The following NPAS3 variants were observed in gnomAD, a reference collection of about 807,000 sequenced individuals.
NPAS3 encodes neuronal PAS domain protein 3, also known as neuronal PAS domain-containing protein 3.
Under a neutral mutation model 73.1 loss-of-function variants are expected in NPAS3, and 14 were observed. That is an observed-to-expected ratio of 0.19 (90% CI 0.13 to 0.30). The LOEUF (loss-of-function observed/expected upper bound fraction) is 0.30. Ranked by LOEUF, NPAS3 falls within the 10% of genes least tolerant of loss-of-function variation. The pLI is 1.00. For missense variants in NPAS3, 1,096 were observed against 1,250.0 expected (o/e 0.88, Z 1.86); for synonymous variants, 620 against 541.5 (o/e 1.14, Z -2.01).
At chr14:33,677,133 C>T (rs923660895) in intron 6 of NPAS3, among the ~76,000 whole-genome samples, 24 of 152,258 alleles carry the variant, frequency 1.6e-4, no homozygotes, top group Admixed American at 1.5e-3. Flanking sequence ...TGTTCAAACA[C>T]GGGGAAGATT....
chr14:33,457,509 C>T (rs1566920701), intron 4 of NPAS3, among the ~76,000 whole-genome samples: 1 of 152,222 alleles, frequency 6.6e-6, no homozygotes, highest in South Asian at 2.1e-4. Flanking sequence ...AAGGGCATAG[C>T]AGGAGCAATG....
chr14:33,209,291 G>A (rs181054237), intron 2 of NPAS3, among the ~76,000 whole-genome samples: 2 of 152,164 alleles, frequency 1.3e-5, no homozygotes, highest in East Asian at 3.9e-4. Context: ...AAATACTCTT[G>A]GAAGAATTTT....
intron 1 of NPAS3, among the ~76,000 whole-genome samples, chr14:33,014,453 A>G (rs1283952764): frequency 2.6e-5 from 4 of 152,188 alleles, no homozygotes; most frequent in African/African-American, 9.7e-5. Context: ...TTGTAATAAA[A>G]TATTATACCA....
intron 2 of NPAS3, among the ~76,000 whole-genome samples, chr14:33,143,323 T>C (rs891789863): frequency 6.6e-6 from 1 of 151,784 alleles, no homozygotes; most frequent in Non-Finnish European, 1.5e-5. Context: ...GAAACCCCGT[T>C]TCTACTAAAA....
At chr14:33,677,247 GTTTTGTCCT>G (rs1378946170) in intron 6 of NPAS3, among the ~76,000 whole-genome samples, 1 of 152,134 alleles carries the variant, frequency 6.6e-6, no homozygotes, top group Non-Finnish European at 1.5e-5. Context: ...CACATTTGTG[GTTTTGTCCT>G]TTTTGTACTT....
At chr14:33,681,121 T>A (rs1473395857) in intron 6 of NPAS3, 3 of 153,100 alleles carry the variant, frequency 2.0e-5, no homozygotes, top group African/African-American at 2.4e-5. Flanking sequence ...CATCATTAGA[T>A]GATTTTCACA....
chr14:32,950,202 G>A (rs1199573578), intron 1 of NPAS3, among the ~76,000 whole-genome samples: 5 of 151,986 alleles, frequency 3.3e-5, no homozygotes, highest in South Asian at 2.1e-4. Flanking sequence ...GAAAATTAAT[G>A]AGAATGATAA....
At chr14:33,555,097 G>A (rs1342531691) in intron 4 of NPAS3, among the ~76,000 whole-genome samples, 1 of 152,128 alleles carries the variant, frequency 6.6e-6, no homozygotes, top group Non-Finnish European at 1.5e-5. Context: ...TTACTGGGAT[G>A]TGACAAAGGA....
intron 4 of NPAS3, among the ~76,000 whole-genome samples, chr14:33,430,633 A>G (rs947948967): frequency 2.5e-4 from 38 of 152,326 alleles, no homozygotes; most frequent in African/African-American, 8.7e-4. Flanking sequence ...ATTATTCTAG[A>G]GACATAAGCC....
At chr14:33,175,211 A>T (rs1233835241) in intron 2 of NPAS3, among the ~76,000 whole-genome samples, 1 of 152,242 alleles carries the variant, frequency 6.6e-6, no homozygotes, top group African/African-American at 2.4e-5. Flanking sequence ...GTATAAGGTT[A>T]TACCAAAAAT....
chr14:33,503,224 A>G (rs1019706718), intron 4 of NPAS3, among the ~76,000 whole-genome samples: 1 of 151,968 alleles, frequency 6.6e-6, no homozygotes, highest in Non-Finnish European at 1.5e-5. Flanking sequence ...ATATAACAAT[A>G]TCAACAATTA....
intron 3 of NPAS3, among the ~76,000 whole-genome samples, chr14:33,319,071 C>G (rs2043327358): frequency 6.6e-6 from 1 of 151,830 alleles, no homozygotes; most frequent in Non-Finnish European, 1.5e-5. Context: ...ATTCACCTGG[C>G]ACATGGGCTG....
Position 33,229,183 on chromosome 14 carries a change from A to T in NPAS3, c.385+13757A>T, listed in dbSNP as rs549683487. ...ATATCTCTGTTATCTGAATATACTT[A>T]CCAAACAACTAAAGGCATGAATCAC... On this transcript the variant is annotated intron_variant, in intron 3 of 11. Coordinates refer to ENST00000356141, the Ensembl canonical transcript of NPAS3. 8.1e-4 allele frequency among the ~76,000 whole-genome samples: 124 copies of T among 152,340 alleles called. 1 individual carries two copies. The highest frequency in any genetic ancestry group is 2.9e-3 in the African/African-American group (121 of 41,594).
At chr14:33,797,901 CACAGA>C (rs2063561287) in intron 11 of NPAS3, among the ~76,000 whole-genome samples, 2 of 151,572 alleles carry the variant, frequency 1.3e-5, no homozygotes, top group African/African-American at 4.9e-5. Flanking sequence ...TATATATACT[CACAGA>C]ACAAAGAGAT....
At chr14:33,714,175 A>T in intron 6 of NPAS3, among the ~76,000 whole-genome samples, 1 of 152,152 alleles carries the variant, frequency 6.6e-6, no homozygotes, top group Non-Finnish European at 1.5e-5. Flanking sequence ...AACAAAAATT[A>T]CAACTCTCTC....
intron 4 of NPAS3, among the ~76,000 whole-genome samples, chr14:33,499,174 A>T (rs1004253629): frequency 6.6e-6 from 1 of 151,916 alleles, no homozygotes; most frequent in Non-Finnish European, 1.5e-5. Flanking sequence ...TTTCCAAAAA[A>T]TATTATCGAA....
chr14:33,421,428 A>G (rs1179783092), intron 4 of NPAS3, among the ~76,000 whole-genome samples: 1 of 151,906 alleles, frequency 6.6e-6, no homozygotes, highest in Non-Finnish European at 1.5e-5. Context: ...GAAAGCAGAA[A>G]GGAAAGGCAA....
At chr14:33,207,247 ACACACACACACACACACACG>A (rs202220486) in intron 2 of NPAS3, among the ~76,000 whole-genome samples, 28,191 of 71,936 alleles carry the variant, frequency 0.39, 2,814 homozygotes, top group South Asian at 0.51. Flanking sequence ...ACACACACAC[ACACACACACACACACACACG>A]CACACACACA....
At position 33,799,601 on chromosome 14, in the gene NPAS3, T is replaced by C. The variant is rs2063619560; in HGVS notation, c.1427-133T>C. On this transcript the variant is annotated intron_variant, in intron 11 of 11. Coordinates refer to ENST00000356141, the Ensembl canonical transcript of NPAS3. ...CCTCTGAAGGTGATGGAGAAGCCCGTGATGAGGACGGACACTTGCCCTGCT... is the reference window on the plus strand; with the variant it reads ...CCTCTGAAGGTGATGGAGAAGCCCGCGATGAGGACGGACACTTGCCCTGCT... 6 of 857,512 alleles carry C rather than the reference T, an allele frequency of 7.0e-6. No individual in the cohort carries two copies. In the South Asian group the frequency reaches 9.7e-5, roughly 14 times the overall value. 53.1% of individuals were successfully genotyped at this position (857,512 alleles called of 1,614,324 possible). A position where few individuals can be genotyped will look rare whatever the true frequency, so the allele number is the denominator to read the frequency against.
Sources: allele counts gnomAD v4.1 joint callset (sites outside exome capture counted in the v4.1 genomes callset), GRCh38; gene constraint gnomAD v4.1.1; transcripts MANE v1.5; gene names NCBI Gene and HGNC (gene_info 2026-07-23, HGNC 2026-07-21).